Variants in LAMA5 observed in about 807,000 individuals in gnomAD.
LAMA5 encodes laminin subunit alpha-5.
In LAMA5, 260 loss-of-function variants were observed where a neutral mutation model predicts 433.4. That is an observed-to-expected ratio of 0.60 (90% confidence interval 0.54 to 0.66). The LOEUF is 0.66. Among genes scored for constraint, LAMA5 ranks in the 30% least tolerant of loss-of-function variants. The pLI is 0.00. For synonymous variants in LAMA5, 2,620 were observed against 2,226.6 expected (o/e 1.18, Z -4.97); for missense variants, 5,378 against 5,258.5 (o/e 1.02, Z -0.70).
At chr20:62,340,305 G>GTTTTTTTT (rs34415039) in intron 11 of LAMA5, among the ~76,000 whole-genome samples, 13 of 99,462 alleles carry the variant, frequency 1.3e-4, no homozygotes, top group South Asian at 1.2e-3. Flanking sequence ...AGCCTCCTTT[G>GTTTTTTTT]TTTTTTTTTT....
At chr20:62,326,616 G>A (rs374283550) in intron 40 of LAMA5, 61 bp downstream of exon 40, 90 of 1,374,698 alleles carry the variant, frequency 6.5e-5, no homozygotes, top group Middle Eastern at 2.5e-4. Flanking sequence ...GACCCCTTCC[G>A]GCCTTCCCAG....
Position 62,310,965 on chromosome 20 carries a change from T to C in LAMA5, c.10218A>G (p.Glu3406=), listed in dbSNP as rs1200673651. Residue 3406 remains glutamate, a synonymous_variant, in exon 74 of 80, where the codon GAA becomes GAG. Transcript: ENST00000252999. ...LSNGHFVAQM[E]GLGTRLRAQS... ...GGGCGCGGAGCCGAGTCCCGAGGCCTTCCATCTGTGCAACGAAGTGGCCAT... is the reference window on the plus strand; with the variant it reads ...GGGCGCGGAGCCGAGTCCCGAGGCCCTCCATCTGTGCAACGAAGTGGCCAT... 1 of 1,611,448 alleles carries C rather than the reference T, an allele frequency of 6.2e-7. No homozygotes were observed. The highest frequency in any genetic ancestry group is 8.5e-7 in the Non-Finnish European group (1 of 1,179,560).
At position 62,336,220 on chromosome 20, in the gene LAMA5, G is replaced by T. The variant is rs927722556; in HGVS notation, c.2323+120C>A. On this transcript the variant is annotated intron_variant, in intron 18 of 79. Transcript: ENST00000252999. ...CCCATATCCCACCACTCCCTCCAGG[G>T]CACACTCACTGGCTCCAGCCCCTCC... The T allele has an allele frequency of 7.4e-6, 5 of 676,146 alleles. No homozygotes were observed. In the African/African-American group the frequency reaches 7.5e-5, roughly 10 times the overall value. 41.9% of individuals were successfully genotyped at this position (676,146 alleles called of 1,614,324 possible). A position where few individuals can be genotyped will look rare whatever the true frequency, so the allele number is the denominator to read the frequency against.
chr20:62,327,129 A>G (rs1230867074), intron 38 of LAMA5, 104 bp downstream of exon 38: 11 of 1,245,622 alleles, frequency 8.8e-6, no homozygotes, highest in African/African-American at 1.5e-5. Flanking sequence ...ACGGACCCCC[A>G]TGGAGCTCCC....
chr20:62,335,467 A>T (rs1036069887), intron 18 of LAMA5, among the ~76,000 whole-genome samples, 198 bp from the exon 19 acceptor site: 8 of 147,618 alleles, frequency 5.4e-5, no homozygotes, highest in African/African-American at 2.0e-4. Context: ...CTATACCCCA[A>T]CACTCCCTCC....
At chr20:62,350,489 C>A (rs141310627) in intron 6 of LAMA5, among the ~76,000 whole-genome samples, 8 of 152,308 alleles carry the variant, frequency 5.3e-5, no homozygotes, top group African/African-American at 1.9e-4. Context: ...TGGGAGTGAA[C>A]CTTTGTCCTG....
Position 62,312,773 on chromosome 20 carries a change from A to C in LAMA5, c.9086T>G (p.Val3029Gly). Residue 3029 changes from valine to glycine, a missense_variant, in exon 67 of 80, where the codon GTG (valine) becomes GGG (glycine). Val to Gly is a moderately radical substitution (Grantham distance 109). Transcript: ENST00000252999. ...PLTSASKAIQ[V>G]FLLGGSRKRV... ...CTTGCGGCTGCCCCCCAGCAGGAAC[A>C]CCTGGATCTACAGGACCAGTGGGGG... is the stretch of plus-strand genomic sequence containing the variant. The C allele has an allele frequency of 1.3e-6, 2 of 1,590,980 alleles. No homozygotes were observed. Among genetic ancestry groups the C allele is most frequent in the Middle Eastern group, 3.3e-4 (2 of 6,042 alleles).
chr20:62,337,591 T>G lies in LAMA5; in HGVS notation c.2163A>C (p.Glu721Asp). Residue 721 changes from glutamate to aspartate, a missense_variant and splice_region_variant, in exon 16 of 80, where the codon GAA (glutamate) becomes GAC (aspartate). Glu to Asp is a conservative substitution (Grantham distance 45). Transcript: ENST00000252999. ...GCACACAGCCACCTGCCTGCTCACC[T>G]TCGCAGTAGGGGAAGTTGTAGGCAC... ...VPGAYNFPYC[E>D]AGSCHPAGLA... 1 of 1,603,478 alleles carries G rather than the reference T, an allele frequency of 6.2e-7. No homozygotes were observed. Among genetic ancestry groups the G allele is most frequent in the African/African-American group, 1.3e-5 (1 of 74,902 alleles).
At chr20:62,325,608 G>A (rs1979158723) in intron 40 of LAMA5, 62 bp from the exon 41 acceptor site, 3 of 1,157,488 alleles carry the variant, frequency 2.6e-6, no homozygotes, top group Non-Finnish European at 2.5e-6. Flanking sequence ...AGGGAGCCTA[G>A]AACAGACCCC....
chr20:62,356,160 T>C (rs1985194830), intron 2 of LAMA5: 3 of 152,258 alleles, frequency 2.0e-5, no homozygotes. Flanking sequence ...TGGCCTCCTG[T>C]CTGTCCCCCA....
In LAMA5 at chr20:62,312,002, G is replaced by A; in HGVS notation, c.9553C>T (p.Leu3185Phe). Residue 3185 changes from leucine to phenylalanine, a missense_variant, in exon 70 of 80, where the codon CTC becomes TTC. Transcript: ENST00000252999. Reference protein sequence around the residue: ...SLQQGRVSLQLLRTEVKTQAG... With the variant: ...SLQQGRVSLQFLRTEVKTQAG... The stretch of plus-strand genomic sequence containing the variant: ...TGAGTTTTCACTTCAGTCCTCAGGA[G>A]CTGTAGGCTCACACGGCCCTGCTGC... 6.2e-7 allele frequency: 1 copy of A among 1,612,718 alleles called. No individual in the cohort carries two copies. The highest frequency in any genetic ancestry group is 8.5e-7 in the Non-Finnish European group (1 of 1,179,916).
At chr20:62,357,293 G>A (rs972440667) in intron 2 of LAMA5, among the ~76,000 whole-genome samples, 11 of 152,192 alleles carry the variant, frequency 7.2e-5, no homozygotes, top group South Asian at 2.1e-4. Context: ...GAAGAAGGGC[G>A]TTGTGCCAAT....
At position 62,367,289 on chromosome 20, in the gene LAMA5, G is replaced by C; in HGVS notation, c.-44C>G. The C allele has an allele frequency of 5.3e-6, 6 of 1,134,892 alleles. No individual in the cohort carries two copies. Among genetic ancestry groups the C allele is most frequent in the Non-Finnish European group, 6.5e-6 (6 of 925,910 alleles). The allele number at this position is 1,134,892 out of a possible 1,614,324, so 70.3% of individuals were successfully genotyped here. ...CGTCCCCGAGCTCCAGGGACAGCGC[G>C]CGCGGCGGGAGCCCGGCGGGTCTGA... is the stretch of plus-strand genomic sequence containing the variant. On this transcript the variant is annotated 5_prime_UTR_variant, in exon 1 of 80. Coordinates refer to ENST00000252999, the MANE Select transcript of LAMA5 (RefSeq NM_005560.6).
Position 62,312,654 on chromosome 20 carries a change from G to A in LAMA5, c.9205C>T (p.Pro3069Ser). 6.2e-7 allele frequency: 1 copy of A among 1,606,950 alleles called. No individual in the cohort carries two copies. The part of the protein sequence containing the change: ...LADAYYLGGV[P>S]PDQLPPSLRR... Reference sequence around the variant, plus strand: ...TACCTCGGGGGCAGCTGGTCGGGCGGCACGCCCCCCAGGTAGTAGGCGTCG... The same window carrying A: ...TACCTCGGGGGCAGCTGGTCGGGCGACACGCCCCCCAGGTAGTAGGCGTCG... Residue 3069 changes from proline (P) to serine (S), a missense_variant, in exon 67 of 80, where the codon CCG becomes TCG. Transcript: ENST00000252999.
At chr20:62,311,328 TGCAGGGGCCGCCCAC>T (rs1253257530) in intron 72 of LAMA5, 21 bp from the exon 73 acceptor site, 1 of 1,537,392 alleles carries the variant, frequency 6.5e-7, no homozygotes, top group Admixed American at 2.1e-5. Context: ...GGATGGTGAA[TGCAGGGGCCGCCCAC>T]ACAGGGGCCA....
chr20:62,318,885 G>T lies in LAMA5; in HGVS notation c.7000C>A (p.Pro2334Thr). The change falls in exon 52 of 80, where the codon CCG becomes ACG. Residue 2334 changes from proline (P) to threonine (T), a missense_variant. Transcript: ENST00000252999. ...AACTCAGCCTCAGCTGCTGCCTGCG[G>T]GGCCCCCAGGTCCCGGGCCCGCATC... is the stretch of plus-strand genomic sequence containing the variant. ...WEMRARDLGA[P>T]QAAAEAELAA... is the part of the protein sequence containing the mutation. The T allele has an allele frequency of 6.2e-7, 1 of 1,608,566 alleles. No homozygotes were observed.
chr20:62,321,946 G>A, intron 48 of LAMA5, 73 bp downstream of exon 48: 1 of 1,455,786 alleles, frequency 6.9e-7, no homozygotes, highest in South Asian at 1.1e-5. Flanking sequence ...CGTTAACACT[G>A]GGGTCACCAG....
rs1568884872 is a variant in LAMA5, at chr20:62,309,621, G to GT, written c.10948+94_10948+95insA. On this transcript the variant is annotated intron_variant, in intron 79 of 79. Coordinates refer to ENST00000252999, the MANE Select transcript of LAMA5 (RefSeq NM_005560.6). Reference sequence around the variant, plus strand: ...AGGGGGGTGGGAGGAGGGTGGGAGGGGGCAGGGGGTGGAGGGGTGGGGGGA... The same window carrying GT: ...AGGGGGGTGGGAGGAGGGTGGGAGGGTGGCAGGGGGTGGAGGGGTGGGGGGA... 6.3e-5 allele frequency: 33 copies of GT among 527,716 alleles called. 3 individuals are homozygous for GT. Among genetic ancestry groups the GT allele is most frequent in the Admixed American group, 4.4e-4 (10 of 22,884 alleles). The allele number at this position is 527,716 out of a possible 1,614,324, so 32.7% of individuals were successfully genotyped here.
intron 6 of LAMA5, 60 bp from the exon 7 acceptor site, chr20:62,347,088 G>C: frequency 7.4e-7 from 1 of 1,343,504 alleles, no homozygotes; most frequent in Non-Finnish European, 1.1e-6. Flanking sequence ...CAGGTGCTCA[G>C]TCCCTTCCCT....
Sources: gnomAD v4.1 joint callset for allele counts (sites outside exome capture counted in the v4.1 genomes callset) on GRCh38, gnomAD v4.1.1 for gene constraint, MANE v1.5 for transcripts, NCBI Gene and HGNC (gene_info 2026-07-23, HGNC 2026-07-21) for gene names.